Variants in ZBTB25 observed in about 807,000 individuals in gnomAD.
ZBTB25 encodes zinc finger and BTB domain-containing protein 25.
In ZBTB25, 20 loss-of-function variants were observed where a neutral mutation model predicts 34.2. That is an observed-to-expected ratio of 0.58 (90% CI 0.41 to 0.85). ZBTB25 has a LOEUF of 0.85. Among genes scored for constraint, ZBTB25 ranks in the 40% least tolerant of loss-of-function variants. The probability of loss-of-function intolerance (pLI) is 0.00; values close to 1 mark genes in which losing one functional copy is unlikely to be tolerated. For synonymous variants in ZBTB25, 175 were observed against 186.4 expected, an observed-to-expected ratio of 0.94 and a Z score of 0.50; for missense variants, 437 against 521.8, an observed-to-expected ratio of 0.84 and a Z score of 1.58.
intron 2 of ZBTB25, among the ~76,000 whole-genome samples, chr14:64,453,569 C>T (rs2078413998): frequency 6.6e-6 from 1 of 151,794 alleles, no homozygotes; most frequent in Non-Finnish European, 1.5e-5. Context: ...AACTCCGTCT[C>T]AAAAAAACAA....
chr14:64,491,128 T>C (rs1308136326), intron 1 of ZBTB25, among the ~76,000 whole-genome samples: 1 of 152,120 alleles, frequency 6.6e-6, no homozygotes, highest in Non-Finnish European at 1.5e-5. Flanking sequence ...TTAAAATAGA[T>C]GTCAAGCCAC....
exon 3 of ZBTB25, chr14:64,449,627 G>A: frequency 6.2e-7 from 1 of 1,613,880 alleles, no homozygotes; most frequent in Non-Finnish European, 8.5e-7. Context: ...CTCAAGGTGG[G>A]TGATTTGCTG....
rs184703797 is a variant in ZBTB25 at position 64,479,023 on chromosome 14, T to A, written c.*7900A>T. ...ACATCTCTGATTTTTAATAATCACA[T>A]TTTTTCCTTTTATTTCTAATAATCA... On this transcript the variant is annotated 3_prime_UTR_variant, in exon 3 of 3. Transcript: ENST00000608382. The A allele has an allele frequency of 1.1e-4, 17 of 152,326 alleles. No individual in the cohort carries two copies. Among genetic ancestry groups the A allele is most frequent in the Non-Finnish European group, 2.1e-4 (14 of 68,026 alleles). 9.4% of individuals were successfully genotyped at this position (152,326 alleles called of 1,614,324 possible). A position where few individuals can be genotyped will look rare whatever the true frequency, so the allele number is the denominator to read the frequency against.
In ZBTB25 at chr14:64,451,820, C is replaced by T. The variant is rs10144786; in HGVS notation, c.174-2182G>A. 1.2e-3 allele frequency among the ~76,000 whole-genome samples: 184 copies of T among 152,306 alleles called. 1 individual carries two copies. The highest frequency in any genetic ancestry group is 4.1e-3 in the African/African-American group (169 of 41,568). On this transcript the variant is annotated intron_variant, in intron 2 of 2. Transcript: ENST00000555220. ...TTTTGCTTCAGAAGTTCTAAATGTG[C>T]CTTGGCATTTATAGAGCTCCAGTTA...
Position 64,487,123 on chromosome 14 carries a change from T to C in ZBTB25, c.1108A>G (p.Thr370Ala). 6.2e-7 allele frequency: 1 copy of C among 1,614,244 alleles called. No individual in the cohort carries two copies. Among genetic ancestry groups the C allele is most frequent in the South Asian group, 1.1e-5 (1 of 91,088 alleles). The change falls in exon 3 of 3, where the codon ACA (threonine) becomes GCA (alanine). Residue 370 changes from threonine to alanine, a missense_variant. Physicochemically the swap from Thr to Ala is moderately conservative, Grantham distance 58. Coordinates refer to ENST00000608382, the MANE Select transcript of ZBTB25 (RefSeq NM_006977.5). ...TATCTGTAAGATTTACCTTTGTGTG[T>C]ATACATGTGTTCCAACAATTGGCTC... ...RKSQLLEHMY[T>A]HKGKSYRYNR... is the part of the protein sequence containing the mutation.
intron 1 of ZBTB25, among the ~76,000 whole-genome samples, chr14:64,500,819 G>A (rs1441158002): frequency 6.6e-6 from 1 of 152,176 alleles, no homozygotes; most frequent in Non-Finnish European, 1.5e-5. Flanking sequence ...GGGAGGCCAA[G>A]GTGGGCGGAT....
intron 2 of ZBTB25, chr14:64,458,096 G>T: frequency 1.2e-6 from 1 of 810,728 alleles, no homozygotes; most frequent in Non-Finnish European, 2.2e-6. Flanking sequence ...TCACTATGTT[G>T]CCCAGGGTGG....
chr14:64,465,980 T>G (rs1233181015), intron 2 of ZBTB25, among the ~76,000 whole-genome samples: 2 of 152,308 alleles, frequency 1.3e-5, no homozygotes, highest in East Asian at 3.9e-4. Context: ...ATTTTCCTTT[T>G]TGAGTACTTT....
At chr14:64,488,121 A>G (rs1209983209) in intron 2 of ZBTB25, 64 bp from the exon 3 acceptor site, 3 of 1,554,574 alleles carry the variant, frequency 1.9e-6, no homozygotes, top group Non-Finnish European at 2.6e-6. Context: ...TTCAGTTAAC[A>G]GTATAGTCTG....
intron 2 of ZBTB25, among the ~76,000 whole-genome samples, chr14:64,464,306 C>T (rs1278644542): frequency 2.0e-5 from 3 of 152,186 alleles, no homozygotes; most frequent in Non-Finnish European, 4.4e-5. Context: ...GCTGGGATTA[C>T]AGGTGTGAGC....
intron 1 of ZBTB25, among the ~76,000 whole-genome samples, chr14:64,495,961 G>GA (rs529836297): frequency 1.4e-3 from 189 of 139,280 alleles, no homozygotes; most frequent in Middle Eastern, 3.7e-3. Context: ...ATCTCAAAAG[G>GA]AAAAAAAAAA....
downstream of ZBTB25, among the ~76,000 whole-genome samples, chr14:64,476,112 C>CT (rs2078717151): frequency 6.6e-6 from 1 of 152,234 alleles, no homozygotes; most frequent in Non-Finnish European, 1.5e-5. Context: ...AATCCCTACT[C>CT]TGACAGGTCA....
At chr14:64,500,614 T>C (rs1271313233) in intron 1 of ZBTB25, among the ~76,000 whole-genome samples, 1 of 151,990 alleles carries the variant, frequency 6.6e-6, no homozygotes, top group East Asian at 1.9e-4. Context: ...CTGGCCAATA[T>C]GGTGAAACCG....
rs769683038 is a variant in ZBTB25, at chr14:64,487,414, T to C, written c.817A>G (p.Ile273Val). 6.2e-7 allele frequency: 1 copy of C among 1,614,162 alleles called. No individual in the cohort carries two copies. The highest frequency in any genetic ancestry group is 1.1e-5 in the South Asian group (1 of 91,078). The change falls in exon 3 of 3, where the codon ATT becomes GTT. Residue 273 changes from isoleucine (I) to valine (V), a missense_variant. Transcript: ENST00000608382. The stretch of plus-strand genomic sequence containing the variant: ...TCACCAAGGTCATTACTTTCCAGAA[T>C]GGAAGCAGGGACACCGAATGGCAGG... Reference protein sequence around the residue: ...GSLPFGVPASILESNDLGEVH... With the variant: ...GSLPFGVPASVLESNDLGEVH...
intron 2 of ZBTB25, among the ~76,000 whole-genome samples, chr14:64,452,022 C>T (rs1261453960): frequency 2.0e-5 from 3 of 152,148 alleles, no homozygotes; most frequent in Non-Finnish European, 4.4e-5. Context: ...CTTGGCTGGG[C>T]GCTGTGGTCA....
At chr14:64,449,343 G>A (rs1181740589) in exon 3 of ZBTB25, 19 of 1,372,758 alleles carry the variant, frequency 1.4e-5, no homozygotes, top group East Asian at 1.4e-4. Flanking sequence ...GTTAGTGTTC[G>A]TTTATCAGTG....
chr14:64,482,098 A>G lies in ZBTB25; in HGVS notation c.*4825T>C, dbSNP rs2078801775. The stretch of plus-strand genomic sequence containing the variant: ...TTTCAGTGAAGACTTTTCTAATAAT[A>G]CTATTATTACCTTCACCCCATTTCC... On this transcript the variant is annotated 3_prime_UTR_variant, in exon 3 of 3. Coordinates refer to ENST00000608382, the MANE Select transcript of ZBTB25 (RefSeq NM_006977.5). 6.6e-6 allele frequency: 1 copy of G among 152,166 alleles called. No individual in the cohort carries two copies. Among genetic ancestry groups the G allele is most frequent in the Non-Finnish European group, 1.5e-5 (1 of 68,030 alleles). 9.4% of individuals were successfully genotyped at this position (152,166 alleles called of 1,614,324 possible).
chr14:64,489,913 A>G (rs1299216093), intron 2 of ZBTB25, among the ~76,000 whole-genome samples: 1 of 151,460 alleles, frequency 6.6e-6, no homozygotes, highest in African/African-American at 2.4e-5. Context: ...TGTATAAAAA[A>G]TTATTATAAT....
intron 1 of ZBTB25, chr14:64,503,026 G>T: frequency 1.0e-6 from 1 of 985,398 alleles, no homozygotes; most frequent in Non-Finnish European, 1.2e-6. Flanking sequence ...GTGCCGTCAG[G>T]TTCCAGGTAC....
Sources: allele counts gnomAD v4.1 joint callset (sites outside exome capture counted in the v4.1 genomes callset), GRCh38; gene constraint gnomAD v4.1.1; transcripts MANE v1.5; gene names NCBI Gene and HGNC (gene_info 2026-07-23, HGNC 2026-07-21).